The following ZNF442 variants were observed in gnomAD, a reference collection of about 807,000 sequenced individuals.
ZNF442 encodes the protein zinc finger protein 442.
ZNF442 carries 45 observed loss-of-function variants against 57.0 expected under a neutral mutation model. That is an observed-to-expected ratio of 0.79 (90% confidence interval 0.62 to 1.01). The LOEUF is 1.01. Ranked by LOEUF, ZNF442 falls within the 50% of genes least tolerant of loss-of-function variation. The pLI is 0.00. For missense variants in ZNF442, 690 were observed against 756.5 expected, an observed-to-expected ratio of 0.91 and a Z score of 1.03; for synonymous variants, 213 against 241.8, an observed-to-expected ratio of 0.88 and a Z score of 1.10.
rs374969565 is a variant in ZNF442, at chr19:12,349,885, G to A, written c.1700C>T (p.Thr567Ile). 6.3e-5 allele frequency: 102 copies of A among 1,613,788 alleles called. No individual in the cohort carries two copies. The highest frequency in any genetic ancestry group is 8.5e-5 in the Non-Finnish European group (100 of 1,179,982). ...TCLLRHERIH[T>I]GKKSYECQQC... Reference sequence around the variant, plus strand: ...TTGACATTCATAAGATTTCTTTCCAGTGTGAATTCTTTCATGTCGCAGAAG... The same window carrying A: ...TTGACATTCATAAGATTTCTTTCCAATGTGAATTCTTTCATGTCGCAGAAG... Residue 567 changes from threonine to isoleucine, a missense_variant, in exon 6 of 6, where the codon ACT becomes ATT. Physicochemically the swap from Thr to Ile is moderately conservative, Grantham distance 89 (BLOSUM62 -1). Coordinates refer to ENST00000242804, the MANE Select transcript of ZNF442 (RefSeq NM_030824.3).
chr19:12,357,085 C>T (rs1432065398), intron 3 of ZNF442, among the ~76,000 whole-genome samples: 1 of 152,214 alleles, frequency 6.6e-6, no homozygotes, highest in Non-Finnish European at 1.5e-5. Flanking sequence ...GTATGTCAAA[C>T]AGATTGAAGC....
intron 1 of ZNF442, 81 bp from the exon 2 acceptor site, chr19:12,365,324 G>A (rs1233160239): frequency 9.7e-6 from 2 of 205,178 alleles, no homozygotes. Flanking sequence ...GCGCAGAAAC[G>A]GGACAGGACG....
At chr19:12,354,601 T>C (rs1481542793) in intron 3 of ZNF442, among the ~76,000 whole-genome samples, 1 of 152,080 alleles carries the variant, frequency 6.6e-6, no homozygotes, top group Non-Finnish European at 1.5e-5. Flanking sequence ...GACAGAGCCT[T>C]GCTCTGTTGC....
chr19:12,360,828 CA>C (rs1969413012), intron 3 of ZNF442, among the ~76,000 whole-genome samples: 1 of 152,104 alleles, frequency 6.6e-6, no homozygotes, highest in Non-Finnish European at 1.5e-5. Context: ...CGCAGTAAGC[CA>C]AGATTGTGCC....
rs770678359 is a variant in ZNF442, at chr19:12,350,420, G to T, written c.1165C>A (p.His389Asn). Residue 389 changes from histidine to asparagine, a missense_variant, in exon 6 of 6, where the codon CAC becomes AAC. Coordinates refer to ENST00000242804, the MANE Select transcript of ZNF442 (RefSeq NM_030824.3). ...ATCATATGACTTCGAAAGCTTGAGT[G>T]ATGAGATAACGCTTTCCCACACTGC... is the stretch of plus-strand genomic sequence containing the variant. ...CKQCGKALSH[H>N]SSFRSHMIMH... is the part of the protein sequence containing the mutation. 6 of 1,612,734 alleles carry T rather than the reference G, an allele frequency of 3.7e-6. No homozygotes were observed. In the African/African-American group the frequency reaches 8.1e-5, roughly 22 times the overall value.
upstream of ZNF442, among the ~76,000 whole-genome samples, chr19:12,367,927 C>A (rs750306562): frequency 6.6e-6 from 1 of 152,158 alleles, no homozygotes; most frequent in Admixed American, 6.5e-5. Flanking sequence ...CTCGGCCTCT[C>A]AAAGTGCTGG....
At position 12,350,660 on chromosome 19, in the gene ZNF442, G is replaced by A. The variant is rs769207161; in HGVS notation, c.925C>T (p.Arg309Ter). 1.9e-5 allele frequency: 30 copies of A among 1,613,672 alleles called. No homozygotes were observed. The highest frequency in any genetic ancestry group is 1.8e-4 in the East Asian group (8 of 44,842). The change falls in exon 6 of 6, where the codon CGA becomes TGA. Residue 309 changes from arginine (R) to a stop codon, truncating the protein, a stop_gained. Coordinates refer to ENST00000242804, the MANE Select transcript of ZNF442 (RefSeq NM_030824.3). LOFTEE classifies it high-confidence loss of function. ...CCAGTGTGAGTTCTTTCATGTATTC[G>A]AAGGGAACTGGAAACACTGAAGGCT... ...GRAFSVSSSL[R>*]IHERTHTGEK...
At position 12,349,888 on chromosome 19, in the gene ZNF442, T is replaced by C. The variant is rs781628235; in HGVS notation, c.1697A>G (p.His566Arg). ...ACATTCATAAGATTTCTTTCCAGTGTGAATTCTTTCATGTCGCAGAAGGCA... is the reference window on the plus strand; with the variant it reads ...ACATTCATAAGATTTCTTTCCAGTGCGAATTCTTTCATGTCGCAGAAGGCA... ...LTCLLRHERI[H>R]TGKKSYECQQ... The change falls in exon 6 of 6, where the codon CAC (histidine) becomes CGC (arginine). Residue 566 changes from histidine (H) to arginine (R), a missense_variant. By Grantham distance (29) the His-to-Arg change is conservative. Coordinates refer to ENST00000242804, the MANE Select transcript of ZNF442 (RefSeq NM_030824.3). The C allele has an allele frequency of 2.5e-6, 4 of 1,614,076 alleles. No individual in the cohort carries two copies. Among genetic ancestry groups the C allele is most frequent in the East Asian group, 2.2e-5 (1 of 44,864 alleles).
At chr19:12,360,970 T>C (rs773816851) in intron 3 of ZNF442, among the ~76,000 whole-genome samples, 2 of 152,120 alleles carry the variant, frequency 1.3e-5, no homozygotes, top group Non-Finnish European at 2.9e-5. Context: ...GGTAGGAGGA[T>C]CATTTGAGGT....
In ZNF442 at chr19:12,350,723, T is replaced by G. The variant is rs758326919; in HGVS notation, c.862A>C (p.Thr288Pro). 1 of 1,614,104 alleles carries G rather than the reference T, an allele frequency of 6.2e-7. No homozygotes were observed. Among genetic ancestry groups the G allele is most frequent in the South Asian group, 1.1e-5 (1 of 91,040 alleles). The stretch of plus-strand genomic sequence containing the variant: ...TTACATTTATAGGGTTTTTCTCCAG[T>G]GTGAGTTCTTTCATGTCTTACATAG... ...SSYVRHERTH[T>P]GEKPYKCKRC... Residue 288 changes from threonine to proline, a missense_variant, in exon 6 of 6, where the codon ACT (threonine) becomes CCT (proline). Transcript: ENST00000242804.
chr19:12,369,315 T>C (rs1317255020), upstream of ZNF442, among the ~76,000 whole-genome samples: 2 of 152,350 alleles, frequency 1.3e-5, no homozygotes, highest in Middle Eastern at 3.4e-3. Flanking sequence ...TGTCTCTTTA[T>C]ACCACACATG....
At chr19:12,368,141 T>C (rs1029703603), upstream of ZNF442, among the ~76,000 whole-genome samples, 1 of 152,208 alleles carries the variant, frequency 6.6e-6, no homozygotes, top group Admixed American at 6.5e-5. Flanking sequence ...ATCGCTGTTA[T>C]TCTATTCTTT....
upstream of ZNF442, among the ~76,000 whole-genome samples, chr19:12,366,504 G>C (rs1222633711): frequency 2.0e-5 from 3 of 151,876 alleles, no homozygotes; most frequent in African/African-American, 7.3e-5. Context: ...CTGATCTCAA[G>C]ATAATAACTT....
chr19:12,355,959 T>G (rs771641431), intron 3 of ZNF442, among the ~76,000 whole-genome samples: 1 of 151,388 alleles, frequency 6.6e-6, no homozygotes, highest in African/African-American at 2.4e-5. Flanking sequence ...CTGGATGACA[T>G]CACTGTACTC....
intron 4 of ZNF442, 60 bp downstream of exon 4, chr19:12,352,928 T>C (rs1273492208): frequency 5.5e-5 from 87 of 1,576,972 alleles, no homozygotes; most frequent in Non-Finnish European, 7.1e-5. Context: ...TTCAACAGCA[T>C]TGATGACCAA....
chr19:12,368,625 C>T (rs1429973550), upstream of ZNF442, among the ~76,000 whole-genome samples: 2 of 152,158 alleles, frequency 1.3e-5, no homozygotes, highest in Non-Finnish European at 2.9e-5. Flanking sequence ...AGTCACGCCA[C>T]CTGGTACCTC....
chr19:12,369,014 A>G (rs1472546655), upstream of ZNF442, among the ~76,000 whole-genome samples: 1 of 152,200 alleles, frequency 6.6e-6, no homozygotes, highest in Non-Finnish European at 1.5e-5. Context: ...ATTTGAAAAT[A>G]TAAAGATTTC....
chr19:12,353,447 G>C, intron 3 of ZNF442, among the ~76,000 whole-genome samples: 1 of 152,106 alleles, frequency 6.6e-6, no homozygotes, highest in Non-Finnish European at 1.5e-5. Flanking sequence ...TACTGTACAA[G>C]AATAGGAGTC....
rs1969227796 is a variant in ZNF442 at position 12,351,102 on chromosome 19, G to A, written c.483C>T (p.Ala161=). The A allele has an allele frequency of 6.2e-7, 1 of 1,614,006 alleles. No homozygotes were observed. Among genetic ancestry groups the A allele is most frequent in the Non-Finnish European group, 8.5e-7 (1 of 1,180,036 alleles). The part of the protein sequence containing the change: ...KPHTHKQCGT[A]FNYHHSFQTQ... ...TTTGAAAGGAGTGGTGATAATTGAA[G>A]GCTGTCCCACATTGTTTATGTGTAT... The change falls in exon 6 of 6, where the codon GCC becomes GCT. Residue 161 remains alanine (A), a synonymous_variant. Transcript: ENST00000242804.
Sources: gnomAD v4.1 joint callset for allele counts (sites outside exome capture counted in the v4.1 genomes callset) on GRCh38, gnomAD v4.1.1 for gene constraint, MANE v1.5 for transcripts, NCBI Gene and HGNC (gene_info 2026-07-23, HGNC 2026-07-21) for gene names.